MACROD2: variants seen among roughly 807,000 people sequenced by gnomAD.
The protein encoded by MACROD2 is ADP-ribose glycohydrolase MACROD2.
Under a neutral mutation model 70.4 loss-of-function variants are expected in MACROD2, and 36 were observed. The observed-to-expected ratio is 0.51, with a 90% confidence interval of 0.39 to 0.68. The LOEUF (loss-of-function observed/expected upper bound fraction) is 0.68, where lower values mean the gene tolerates loss of function less well. MACROD2 is among the 30% of genes least tolerant of loss of function. The pLI, the probability that MACROD2 is intolerant of heterozygous loss-of-function variation, is 0.00. For synonymous variants in MACROD2, 172 were observed against 178.8 expected (o/e 0.96, Z 0.30); for missense variants, 496 against 538.4 (o/e 0.92, Z 0.78).
chr20:14,307,747 A>G (rs376015188), intron 3 of MACROD2, among the ~76,000 whole-genome samples: 1 of 152,182 alleles, frequency 6.6e-6, no homozygotes, highest in African/African-American at 2.4e-5. Context: ...AAAGCAGACA[A>G]ATTTTTTCTA....
intron 8 of MACROD2, among the ~76,000 whole-genome samples, chr20:15,725,809 C>T (rs2050852786): frequency 6.6e-6 from 1 of 151,280 alleles, no homozygotes; most frequent in African/African-American, 2.4e-5. Context: ...TATGCAAAGT[C>T]TATAATATGA....
intron 6 of MACROD2, among the ~76,000 whole-genome samples, chr20:15,317,527 G>GTCTA (rs1298157488): frequency 3.9e-5 from 4 of 103,150 alleles, no homozygotes; most frequent in African/African-American, 1.5e-4. Context: ...CTATCTATCT[G>GTCTA]TCTATCTATC....
intron 6 of MACROD2, among the ~76,000 whole-genome samples, chr20:15,237,598 A>G (rs895961291): frequency 6.6e-6 from 1 of 151,836 alleles, no homozygotes; most frequent in Non-Finnish European, 1.5e-5. Flanking sequence ...CGTGCTTTCT[A>G]TAGGAGGTGA....
chr20:15,818,742 T>A (rs2063903774), intron 8 of MACROD2, among the ~76,000 whole-genome samples: 1 of 152,202 alleles, frequency 6.6e-6, no homozygotes, highest in Non-Finnish European at 1.5e-5. Context: ...CTGAAAAGAC[T>A]GGCTTTAGTA....
intron 5 of MACROD2, among the ~76,000 whole-genome samples, chr20:15,106,689 T>C (rs903293824): frequency 1.3e-5 from 2 of 152,144 alleles, no homozygotes; most frequent in Non-Finnish European, 2.9e-5. Context: ...TTTGCATTGT[T>C]GATATGTCTT....
chr20:15,238,001 G>A (rs1010693664), intron 6 of MACROD2, among the ~76,000 whole-genome samples: 26 of 152,160 alleles, frequency 1.7e-4, no homozygotes, highest in Admixed American at 1.7e-3. Context: ...GGGCACTGAT[G>A]CCTGTTTCAT....
chr20:14,490,132 C>G (rs897937742), intron 3 of MACROD2, among the ~76,000 whole-genome samples: 2 of 151,970 alleles, frequency 1.3e-5, no homozygotes, highest in Admixed American at 6.6e-5. Context: ...ATTGTATTCA[C>G]TTTTTTTGGT....
At chr20:14,896,220 T>C (rs1404582361) in intron 5 of MACROD2, among the ~76,000 whole-genome samples, 1 of 152,050 alleles carries the variant, frequency 6.6e-6, no homozygotes, top group Non-Finnish European at 1.5e-5. Flanking sequence ...GCTTGAACTT[T>C]GGAGGCAGAG....
intron 4 of MACROD2, among the ~76,000 whole-genome samples, chr20:14,506,286 C>G (rs1163830025): frequency 2.6e-5 from 4 of 152,080 alleles, no homozygotes; most frequent in African/African-American, 7.2e-5. Context: ...AAACCTGAGG[C>G]TGTACACATT....
chr20:15,699,828 T>A (rs777791670), intron 8 of MACROD2, among the ~76,000 whole-genome samples: 7 of 152,196 alleles, frequency 4.6e-5, no homozygotes, highest in Non-Finnish European at 8.8e-5. Flanking sequence ...CTTCTCCCTG[T>A]GGAGTTTTAC....
intron 4 of MACROD2, among the ~76,000 whole-genome samples, chr20:14,643,605 A>G (rs1245562142): frequency 2.0e-5 from 3 of 152,222 alleles, no homozygotes. Context: ...GTGTCATACC[A>G]TTCATAATGT....
At chr20:15,173,022 C>T (rs2076434255) in intron 5 of MACROD2, among the ~76,000 whole-genome samples, 2 of 151,986 alleles carry the variant, frequency 1.3e-5, no homozygotes, top group African/African-American at 4.8e-5. Context: ...AAAAATATAA[C>T]GTGAACATAT....
rs559886357 is a variant in MACROD2, at chr20:15,966,610, C to G, written c.908-943C>G. Among the ~76,000 whole-genome samples, 4 of 152,242 alleles carry G rather than the reference C, an allele frequency of 2.6e-5. No individual in the cohort carries two copies. In the South Asian group the frequency reaches 8.3e-4, roughly 32 times the overall value. On this transcript the variant is annotated intron_variant, in intron 12 of 17. Transcript: ENST00000684519. ...TTAGAAAACTAAGTGGGCATGGTGG[C>G]CTGTGCCTATGGTCCTAGCTACTAC...
intron 3 of MACROD2, among the ~76,000 whole-genome samples, chr20:14,220,971 A>G (rs2081668250): frequency 6.6e-6 from 1 of 152,126 alleles, no homozygotes; most frequent in African/African-American, 2.4e-5. Context: ...TGATGCTAAA[A>G]TTCACAGTGC....
chr20:14,332,410 A>G (rs957774116), intron 3 of MACROD2, among the ~76,000 whole-genome samples: 20 of 152,102 alleles, frequency 1.3e-4, no homozygotes, highest in Non-Finnish European at 2.8e-4. Flanking sequence ...CCCTGCTACT[A>G]CAATATTTTG....
Position 15,720,907 on chromosome 20 carries a change from T to C in MACROD2, c.646-141838T>C, listed in dbSNP as rs570552125. On this transcript the variant is annotated intron_variant, in intron 8 of 17. Transcript: ENST00000684519. Reference sequence around the variant, plus strand: ...AGCAATCAAAATCAGCCTGGTTCATTGCATAGTTGTTTGATTTCCTGGACC... The same window carrying C: ...AGCAATCAAAATCAGCCTGGTTCATCGCATAGTTGTTTGATTTCCTGGACC... Among the ~76,000 whole-genome samples, 7 of 152,308 alleles carry C rather than the reference T, an allele frequency of 4.6e-5. No individual in the cohort carries two copies. In the South Asian group the frequency reaches 1.4e-3, roughly 32 times the overall value.
intron 8 of MACROD2, among the ~76,000 whole-genome samples, chr20:15,699,726 C>A (rs989274568): frequency 6.6e-6 from 1 of 152,176 alleles, no homozygotes; most frequent in Non-Finnish European, 1.5e-5. Flanking sequence ...CCACCTGTGA[C>A]GTCTGCACTC....
intron 5 of MACROD2, among the ~76,000 whole-genome samples, chr20:14,690,493 G>A (rs570840604): frequency 6.6e-6 from 1 of 152,246 alleles, no homozygotes; most frequent in South Asian, 2.1e-4. Context: ...CCTTTATCAA[G>A]AAATCATAGT....
At chr20:15,558,443 A>G (rs536074314) in intron 8 of MACROD2, among the ~76,000 whole-genome samples, 39 of 152,328 alleles carry the variant, frequency 2.6e-4, no homozygotes, top group African/African-American at 9.4e-4. Flanking sequence ...AAAAAACACA[A>G]TTACTTTTGC....
Sources: allele counts gnomAD v4.1 joint callset (sites outside exome capture counted in the v4.1 genomes callset), GRCh38; gene constraint gnomAD v4.1.1; transcripts MANE v1.5; gene names NCBI Gene and HGNC (gene_info 2026-07-23, HGNC 2026-07-21).